Variants in RIT1 observed in about 807,000 individuals in gnomAD.
RIT1 encodes GTP-binding protein Rit1.
A neutral mutation model predicts 25.6 loss-of-function variants in RIT1; 6 were observed. The ratio of observed to expected loss-of-function variants is 0.23; its 90% confidence interval spans 0.13 to 0.46. The LOEUF (loss-of-function observed/expected upper bound fraction) is 0.46. Ranked by LOEUF, RIT1 falls within the 20% of genes least tolerant of loss-of-function variation. The pLI is 0.99. For missense variants in RIT1, 219 were observed against 284.4 expected (o/e 0.77, Z 1.65); for synonymous variants, 81 against 94.1 (o/e 0.86, Z 0.80).
Position 155,904,202 on chromosome 1 carries a change from C to T in RIT1, c.429+109G>A, listed in dbSNP as rs981916221. ...GAGCCACCTCACCCAGCCTGATTTT[C>T]TATTTTAAGGCAAAAAAATCTGTAA... is the stretch of plus-strand genomic sequence containing the variant. On this transcript the variant is annotated intron_variant, in intron 5 of 5. Transcript: ENST00000368323. 3.5e-6 allele frequency: 3 copies of T among 855,810 alleles called. No individual in the cohort carries two copies. In the African/African-American group the frequency reaches 5.1e-5, roughly 15 times the overall value. 53.0% of individuals were successfully genotyped at this position (855,810 alleles called of 1,614,324 possible).
rs1400808611 is a variant in RIT1 at position 155,910,485 on chromosome 1, C to G, written c.128G>C (p.Ser43Thr). Reference protein sequence around the residue: ...GKSAMTMQFISHRFPEDHDPT... With the variant: ...GKSAMTMQFITHRFPEDHDPT... Reference sequence around the variant, plus strand: ...ATCATGATCTTCTGGGAATCGGTGGCTGATGAACTGCATGGTCATGGCTTC... The same window carrying G: ...ATCATGATCTTCTGGGAATCGGTGGGTGATGAACTGCATGGTCATGGCTTC... The change falls in exon 3 of 6, where the codon AGC (serine) becomes ACC (threonine). Residue 43 changes from serine to threonine, a missense_variant. By Grantham distance (58) the Ser-to-Thr change is moderately conservative. Around this residue, in one of 3 missense-constraint regions of RIT1, gnomAD observed 131 missense variants for 173.6 expected, o/e 0.75. Coordinates refer to ENST00000368323, the MANE Select transcript of RIT1 (RefSeq NM_006912.6). 2 of 1,614,162 alleles carry G rather than the reference C, an allele frequency of 1.2e-6. No individual in the cohort carries two copies. Among genetic ancestry groups the G allele is most frequent in the Admixed American group, 3.3e-5 (2 of 60,022 alleles).
At position 155,900,512 on chromosome 1, in the gene RIT1, A is replaced by G; in HGVS notation, c.536T>C (p.Val179Ala). 1 of 1,614,128 alleles carries G rather than the reference A, an allele frequency of 6.2e-7. No individual in the cohort carries two copies. The highest frequency in any genetic ancestry group is 8.5e-7 in the Non-Finnish European group (1 of 1,179,996). ...CTTTTCTTTCCTACGTATCTCCCGT[A>G]CAAGGGCATGGAAAACATCATCAAT... ...YYIDDVFHAL[V>A]REIRRKEKEA... The change falls in exon 6 of 6, where the codon GTA (valine) becomes GCA (alanine). Residue 179 changes from valine (V) to alanine (A), a missense_variant. Physicochemically the swap from Val to Ala is moderately conservative, Grantham distance 64. Around this residue, in one of 3 missense-constraint regions of RIT1, gnomAD observed 81 missense variants for 83.8 expected, o/e 0.97. Coordinates refer to ENST00000368323, the MANE Select transcript of RIT1 (RefSeq NM_006912.6).
In RIT1 at chr1:155,911,240, T is replaced by TA; in HGVS notation, c.-44+2dup. The stretch of plus-strand genomic sequence containing the variant: ...TCCGCCGCCAGACTCCCCACCCCTC[T>TA]ACCTCACAAGCCGACGCCCTGCTGC... On this transcript the variant is annotated splice_region_variant and intron_variant, in intron 1 of 5. Coordinates refer to ENST00000368323, the MANE Select transcript of RIT1 (RefSeq NM_006912.6). 1 of 282,482 alleles carries TA rather than the reference T, an allele frequency of 3.5e-6. No homozygotes were observed. Among genetic ancestry groups the TA allele is most frequent in the Non-Finnish European group, 6.2e-6 (1 of 162,600 alleles). 17.5% of individuals were successfully genotyped at this position (282,482 alleles called of 1,614,324 possible).
intron 5 of RIT1, among the ~76,000 whole-genome samples, chr1:155,902,651 G>A (rs1485906057): frequency 2.0e-5 from 3 of 151,010 alleles, no homozygotes; most frequent in Non-Finnish European, 2.9e-5. Context: ...AGACCAGCCC[G>A]GCCAACATGG....
chr1:155,902,754 T>G (rs1287647504), intron 5 of RIT1, among the ~76,000 whole-genome samples: 38 of 150,760 alleles, frequency 2.5e-4, no homozygotes, highest in Non-Finnish European at 1.2e-4. Context: ...GGCAGGAGAA[T>G]CGCTTGAACT....
chr1:155,909,935 A>AAC (rs1424271859), intron 3 of RIT1, among the ~76,000 whole-genome samples: 30 of 151,682 alleles, frequency 2.0e-4, no homozygotes, highest in East Asian at 3.9e-4. Flanking sequence ...AAAAAAAAAA[A>AAC]AACAACAGAC....
At chr1:155,902,481 A>G (rs2102582824) in intron 5 of RIT1, among the ~76,000 whole-genome samples, 1 of 151,438 alleles carries the variant, frequency 6.6e-6, no homozygotes, top group Middle Eastern at 3.5e-3. Flanking sequence ...GGTTGCAGTG[A>G]GCCAACATCA....
At chr1:155,904,142 A>G (rs569657638) in intron 5 of RIT1, among the ~76,000 whole-genome samples, 169 bp downstream of exon 5, 1 of 152,184 alleles carries the variant, frequency 6.6e-6, no homozygotes, top group Non-Finnish European at 1.5e-5. Context: ...GACCTTAAGC[A>G]ACCTGCCCAC....
rs1172956230 is a variant in RIT1, at chr1:155,899,320, C to A, written c.*1068G>T. 2 of 218,192 alleles carry A rather than the reference C, an allele frequency of 9.2e-6. No homozygotes were observed. The highest frequency in any genetic ancestry group is 4.5e-5 in the African/African-American group (2 of 44,518). 13.5% of individuals were successfully genotyped at this position (218,192 alleles called of 1,614,324 possible). Reference sequence around the variant, plus strand: ...TTTAAAGCTTTAAGACTGACCCATTCAACAGAAATAGCAGATTTTCTCAGA... The same window carrying A: ...TTTAAAGCTTTAAGACTGACCCATTAAACAGAAATAGCAGATTTTCTCAGA... On this transcript the variant is annotated 3_prime_UTR_variant, in exon 6 of 6. Transcript: ENST00000368323.
intron 3 of RIT1, among the ~76,000 whole-genome samples, chr1:155,907,514 T>C (rs1571996698): frequency 6.6e-6 from 1 of 152,188 alleles, no homozygotes; most frequent in African/African-American, 2.4e-5. Context: ...GATTACAGGA[T>C]TGCAGGCTCA....
At chr1:155,906,196 G>A (rs1673435852) in intron 3 of RIT1, among the ~76,000 whole-genome samples, 1 of 151,668 alleles carries the variant, frequency 6.6e-6, no homozygotes, top group Non-Finnish European at 1.5e-5. Flanking sequence ...ATTTCTTTAT[G>A]CATATTACTA....
chr1:155,909,609 C>T (rs560626067), intron 3 of RIT1, among the ~76,000 whole-genome samples: 2 of 152,100 alleles, frequency 1.3e-5, no homozygotes, highest in East Asian at 3.9e-4. Flanking sequence ...CGTTCTGCAA[C>T]AAGAGTTAAG....
chr1:155,907,812 C>T (rs1329209346), intron 3 of RIT1, among the ~76,000 whole-genome samples: 1 of 152,340 alleles, frequency 6.6e-6, no homozygotes, highest in East Asian at 1.9e-4. Flanking sequence ...ATAACTTGGC[C>T]GGATGCGGTG....
At chr1:155,906,762 CAA>C (rs59899087) in intron 3 of RIT1, among the ~76,000 whole-genome samples, 5 of 24,914 alleles carry the variant, frequency 2.0e-4, no homozygotes, top group Admixed American at 5.7e-4. Context: ...TTCTCCGTCT[CAA>C]AAAAAAAAAA....
chr1:155,901,535 G>C (rs1216769310), intron 5 of RIT1, among the ~76,000 whole-genome samples: 2 of 152,232 alleles, frequency 1.3e-5, no homozygotes, highest in East Asian at 3.9e-4. Context: ...TTACTCGTGA[G>C]GCTGAGGCAG....
chr1:155,904,448 T>C lies in RIT1; in HGVS notation c.292A>G (p.Ile98Val), dbSNP rs2102584814. ...CGACGATCCGTGATAGAGTAACAGA[T>C]GATAAACCCTTCTCCTGCCCTCATA... The part of the protein sequence containing the change: ...QYMRAGEGFI[I>V]CYSITDRRSF... Residue 98 changes from isoleucine (I) to valine (V), a missense_variant, in exon 5 of 6, where the codon ATC becomes GTC. This residue lies in a region of RIT1 where 131 missense variants were observed against 173.6 expected (regional missense o/e 0.75). Transcript: ENST00000368323. The C allele has an allele frequency of 4.3e-6, 7 of 1,614,154 alleles. No individual in the cohort carries two copies. Among genetic ancestry groups the C allele is most frequent in the Non-Finnish European group, 5.9e-6 (7 of 1,180,016 alleles).
chr1:155,903,928 T>C (rs1275516614), intron 5 of RIT1, among the ~76,000 whole-genome samples: 1 of 152,194 alleles, frequency 6.6e-6, no homozygotes, highest in African/African-American at 2.4e-5. Context: ...GATGATTGCT[T>C]GAGCTGGGGA....
At chr1:155,905,354 T>C (rs1358751403) in intron 3 of RIT1, among the ~76,000 whole-genome samples, 4 of 152,030 alleles carry the variant, frequency 2.6e-5, no homozygotes, top group Admixed American at 6.6e-5. Context: ...GCTACCACCA[T>C]GTCTGGCTAA....
chr1:155,908,854 C>T (rs1486020326), intron 3 of RIT1, among the ~76,000 whole-genome samples: 1 of 151,894 alleles, frequency 6.6e-6, no homozygotes, highest in Non-Finnish European at 1.5e-5. Context: ...TGAGCCACCG[C>T]GCCTGGCCTG....
Sources: gnomAD v4.1 joint callset for allele counts (sites outside exome capture counted in the v4.1 genomes callset) on GRCh38, gnomAD v4.1.1 for gene constraint, gnomAD v4.1.1 regional missense constraint, MANE v1.5 for transcripts, NCBI Gene and HGNC (gene_info 2026-07-23, HGNC 2026-07-21) for gene names.